Variants in FRRS1 observed in about 807,000 individuals in gnomAD.
FRRS1 encodes ferric reductase 1.
In FRRS1, 51 loss-of-function variants were observed where a neutral mutation model predicts 70.7. That is an observed-to-expected ratio of 0.72 (90% confidence interval 0.58 to 0.91). The LOEUF (loss-of-function observed/expected upper bound fraction) is 0.91, where lower values mean the gene tolerates loss of function less well. FRRS1 is among the 40% of genes least tolerant of loss of function. FRRS1 has a pLI of 0.00. For synonymous variants in FRRS1, 225 were observed against 238.7 expected (o/e 0.94, Z 0.53); for missense variants, 672 against 726.0 (o/e 0.93, Z 0.86).
chr1:99,714,604 G>A (rs1381177673), intron 12 of FRRS1, among the ~76,000 whole-genome samples: 3 of 152,126 alleles, frequency 2.0e-5, no homozygotes, highest in Admixed American at 6.5e-5. Context: ...GATGATGGAG[G>A]CTCACACTCC....
In FRRS1 at chr1:99,740,845, G is replaced by A. The variant is rs1182600985; in HGVS notation, c.524C>T (p.Ala175Val). ...PNAFPFTTPK[A>V]TVVPLPTLPP... The stretch of plus-strand genomic sequence containing the variant: ...TAACGTTGGCAAAGGTACTACTGTA[G>A]CTTTAGGTGTTGTAAAAGGAAATGC... Residue 175 changes from alanine to valine, a missense_variant, in exon 6 of 17, where the codon GCT becomes GTT. By Grantham distance (64) the Ala-to-Val change is moderately conservative. Coordinates refer to ENST00000646001, the MANE Select transcript of FRRS1 (RefSeq NM_001361041.2). 6.2e-7 allele frequency: 1 copy of A among 1,610,742 alleles called. No homozygotes were observed. Among genetic ancestry groups the A allele is most frequent in the Non-Finnish European group, 8.5e-7 (1 of 1,177,026 alleles).
chr1:99,747,500 AT>A, intron 3 of FRRS1, 70 bp from the exon 4 acceptor site: 1 of 1,388,754 alleles, frequency 7.2e-7, no homozygotes, highest in Non-Finnish European at 9.9e-7. Flanking sequence ...GAGGTTGTAC[AT>A]TACAATTACA....
In FRRS1 at chr1:99,706,053, A is replaced by AT. The variant is rs1162259898; in HGVS notation, c.*2974dup. Reference sequence around the variant, plus strand: ...TGCAATTTGTGGATACCAACCACCCATAAGCAGAAGAAGAATAATTTGGTT... The same window carrying AT: ...TGCAATTTGTGGATACCAACCACCCATTAAGCAGAAGAAGAATAATTTGGTT... On this transcript the variant is annotated 3_prime_UTR_variant, in exon 17 of 17. Transcript: ENST00000646001. Among the ~76,000 whole-genome samples the AT allele has an allele frequency of 1.1e-4, 17 of 152,180 alleles. No homozygotes were observed. The highest frequency in any genetic ancestry group is 2.1e-4 in the Non-Finnish European group (14 of 68,034).
At chr1:99,738,324 G>T in intron 6 of FRRS1, 56 bp from the exon 7 acceptor site, 1 of 1,339,686 alleles carries the variant, frequency 7.5e-7, no homozygotes, top group Non-Finnish European at 1.0e-6. Context: ...CAGTTCATTG[G>T]CAATGACAGA....
chr1:99,722,933 C>T (rs1053184468), intron 9 of FRRS1, among the ~76,000 whole-genome samples: 4 of 152,078 alleles, frequency 2.6e-5, no homozygotes, highest in African/African-American at 9.7e-5. Context: ...CCAAGATAAT[C>T]AACTGGAAAT....
At chr1:99,713,254 G>A (rs1185861404) in intron 12 of FRRS1, among the ~76,000 whole-genome samples, 5 of 152,184 alleles carry the variant, frequency 3.3e-5, no homozygotes, top group African/African-American at 9.7e-5. Context: ...AGGTGCCCCA[G>A]GTAATAAGTC....
In FRRS1 at chr1:99,709,000, G is replaced by A; in HGVS notation, c.*28C>T. The A allele has an allele frequency of 6.2e-7, 1 of 1,613,880 alleles. No homozygotes were observed. The highest frequency in any genetic ancestry group is 8.5e-7 in the Non-Finnish European group (1 of 1,179,932). On this transcript the variant is annotated 3_prime_UTR_variant, in exon 17 of 17. Transcript: ENST00000646001. Reference sequence around the variant, plus strand: ...TTGGTTTGATGATAATTATCACTTGGCCTGCAAAAGCCAAGGTCTTTGCTT... The same window carrying A: ...TTGGTTTGATGATAATTATCACTTGACCTGCAAAAGCCAAGGTCTTTGCTT...
chr1:99,760,205 T>C (rs1160220576), intron 1 of FRRS1, among the ~76,000 whole-genome samples: 1 of 152,240 alleles, frequency 6.6e-6, no homozygotes, highest in East Asian at 1.9e-4. Flanking sequence ...ATTTATAATA[T>C]CACTATTAAC....
intron 4 of FRRS1, among the ~76,000 whole-genome samples, chr1:99,743,616 C>T (rs566661822): frequency 5.3e-5 from 8 of 152,276 alleles, no homozygotes; most frequent in South Asian, 4.1e-4. Context: ...GTGCCATTCA[C>T]AGAGACATAT....
chr1:99,709,324 A>G, intron 15 of FRRS1, 65 bp from the exon 16 acceptor site: 1 of 1,190,224 alleles, frequency 8.4e-7, no homozygotes, highest in Non-Finnish European at 1.2e-6. Context: ...ATTTTTTAAA[A>G]AAACCTGATT....
intron 1 of FRRS1, among the ~76,000 whole-genome samples, chr1:99,758,927 C>T (rs56125955): frequency 0.021 from 3,191 of 152,228 alleles, 60 homozygotes; most frequent in South Asian, 0.057. Flanking sequence ...GCCCTGGTCT[C>T]CTGCAGTACC....
rs1194850562 is a variant in FRRS1, at chr1:99,724,464, T to C, written c.1006+4029A>G. 3.9e-5 allele frequency among the ~76,000 whole-genome samples: 6 copies of C among 152,264 alleles called. No individual in the cohort carries two copies. In the South Asian group the frequency reaches 8.3e-4, roughly 21 times the overall value. The stretch of plus-strand genomic sequence containing the variant: ...GACAATGTCAGCAACATGAAGAAAA[T>C]AGCAGTTAGAAAAAGGTTTTAAATG... On this transcript the variant is annotated intron_variant, in intron 9 of 16. Transcript: ENST00000646001.
At chr1:99,712,207 C>T in intron 13 of FRRS1, 44 bp from the exon 14 acceptor site, 3 of 1,305,402 alleles carry the variant, frequency 2.3e-6, no homozygotes, top group Non-Finnish European at 3.3e-6. Flanking sequence ...AGCAATGGAA[C>T]TATAATTAAT....
At chr1:99,714,095 C>T (rs971558059) in intron 12 of FRRS1, among the ~76,000 whole-genome samples, 3 of 151,924 alleles carry the variant, frequency 2.0e-5, no homozygotes, top group Non-Finnish European at 4.4e-5. Context: ...TCATGAAGGT[C>T]CCTGGAAGAA....
rs527842508 is a variant in FRRS1, at chr1:99,704,528, C to T, written c.*4500G>A. Among the ~76,000 whole-genome samples, 1 of 152,268 alleles carries T rather than the reference C, an allele frequency of 6.6e-6. No homozygotes were observed. Among genetic ancestry groups the T allele is most frequent in the South Asian group, 2.1e-4 (1 of 4,828 alleles). On this transcript the variant is annotated 3_prime_UTR_variant, in exon 17 of 17. Transcript: ENST00000646001. ...CTGGCGAGGGCTCCACCCCCAAACC[C>T]GTGCCCACGGGTCTAAGTGAGGACA...
chr1:99,707,451 C>G lies in FRRS1; in HGVS notation c.*1577G>C, dbSNP rs1318273228. 1.3e-5 allele frequency among the ~76,000 whole-genome samples: 2 copies of G among 151,824 alleles called. No individual in the cohort carries two copies. The highest frequency in any genetic ancestry group is 4.8e-5 in the African/African-American group (2 of 41,332). ...TGCCCAGTTTATTTATTTGCTTTGC[C>G]TAAGATAGCTGCATTCATTATTACA... On this transcript the variant is annotated 3_prime_UTR_variant, in exon 17 of 17. Coordinates refer to ENST00000646001, the MANE Select transcript of FRRS1 (RefSeq NM_001361041.2).
intron 1 of FRRS1, 36 bp downstream of exon 1, chr1:99,766,571 G>C (rs546232835): frequency 5.3e-5 from 8 of 152,330 alleles, no homozygotes; most frequent in African/African-American, 1.7e-4. Flanking sequence ...GCTTTACAAA[G>C]AGCTTTGACA....
At position 99,748,786 on chromosome 1, in the gene FRRS1, A is replaced by G; in HGVS notation, c.1-18T>C. ...ACTGCCATCTCAAAAAGAAGGGTAA[A>G]AGCCCATTATTGTCATATATAATTA... On this transcript the variant is annotated intron_variant, in intron 2 of 16. Transcript: ENST00000646001. 1 of 1,597,062 alleles carries G rather than the reference A, an allele frequency of 6.3e-7. No individual in the cohort carries two copies. Among genetic ancestry groups the G allele is most frequent in the Non-Finnish European group, 8.6e-7 (1 of 1,166,738 alleles).
Position 99,715,589 on chromosome 1 carries a change from A to C in FRRS1, c.1320T>G (p.Ser440Arg), listed in dbSNP as rs762395237. 2.4e-5 allele frequency: 39 copies of C among 1,595,094 alleles called. No homozygotes were observed. The highest frequency in any genetic ancestry group is 3.3e-5 in the Non-Finnish European group (38 of 1,162,822). ...VMPFIYRGGWSRHAGYHPYLG... is the reference protein window; with the variant it reads ...VMPFIYRGGWRRHAGYHPYLG... ...ACCCTATTTAAGATATACTTACCCT[A>C]CTCCAGCCTCCCCTGTATATAAACG... Residue 440 changes from serine (S) to arginine (R), a missense_variant, in exon 12 of 17, where the codon AGT becomes AGG. By Grantham distance (110) the Ser-to-Arg change is moderately radical (BLOSUM62 -1). Transcript: ENST00000646001.
Sources: gnomAD v4.1 joint callset for allele counts (sites outside exome capture counted in the v4.1 genomes callset) on GRCh38, gnomAD v4.1.1 for gene constraint, MANE v1.5 for transcripts, NCBI Gene and HGNC (gene_info 2026-07-23, HGNC 2026-07-21) for gene names.